DNAI7: variants seen among roughly 807,000 people sequenced by gnomAD.
The protein encoded by DNAI7 is cancer susceptibility 1.
DNAI7 carries 78 observed loss-of-function variants against 86.6 expected under a neutral mutation model. The observed-to-expected ratio is 0.90, with a 90% CI of 0.75 to 1.09. DNAI7 has a LOEUF of 1.09. DNAI7 is among the 50% of genes least tolerant of loss of function. DNAI7 has a pLI of 0.00. For synonymous variants in DNAI7, 274 were observed against 273.0 expected (o/e 1.00, Z -0.04); for missense variants, 753 against 810.2 (o/e 0.93, Z 0.86).
chr12:25,111,964 C>G (rs772053638), intron 13 of DNAI7, 25 bp from the exon 14 acceptor site: 7 of 1,496,426 alleles, frequency 4.7e-6, no homozygotes, highest in Non-Finnish European at 6.3e-6. Context: ...AAAAAAGAAG[C>G]TTTTATGTAA....
chr12:25,186,996 C>T (rs994692068), intron 2 of DNAI7, among the ~76,000 whole-genome samples: 4 of 152,064 alleles, frequency 2.6e-5, no homozygotes, highest in Admixed American at 1.3e-4. Flanking sequence ...CTTGTGTCCC[C>T]CTACAGTGAA....
In DNAI7 at chr12:25,123,191, TA is replaced by T; in HGVS notation, c.1078+19del. ...GAAAATCTCAATAAAGTTAAATTCT[TA>T]AAATGTAATTTAGAATACCTGCTGA... On this transcript the variant is annotated intron_variant, in intron 10 of 15. Transcript: ENST00000395987. 1 of 1,487,172 alleles carries T rather than the reference TA, an allele frequency of 6.7e-7. No homozygotes were observed. The highest frequency in any genetic ancestry group is 9.2e-7 in the Non-Finnish European group (1 of 1,083,244). 92.1% of individuals were successfully genotyped at this position (1,487,172 alleles called of 1,614,324 possible).
chr12:25,135,854 G>A (rs530119340), intron 9 of DNAI7, among the ~76,000 whole-genome samples: 5 of 149,308 alleles, frequency 3.3e-5, no homozygotes, highest in South Asian at 4.3e-4. Context: ...AGCAACCCCC[G>A]CCCAAGGAGA....
chr12:25,175,134 TA>T (rs1211648305), intron 2 of DNAI7, among the ~76,000 whole-genome samples: 1 of 151,920 alleles, frequency 6.6e-6, no homozygotes, highest in East Asian at 1.9e-4. Flanking sequence ...AAAAATAAAT[TA>T]AAAAAATAGA....
intron 9 of DNAI7, among the ~76,000 whole-genome samples, chr12:25,142,299 G>C (rs1386785310): frequency 6.6e-6 from 1 of 152,108 alleles, no homozygotes; most frequent in Non-Finnish European, 1.5e-5. Context: ...TAAGCTATGA[G>C]GATGCAAATG....
Position 25,147,037 on chromosome 12 carries a change from G to A in DNAI7, c.653C>T (p.Thr218Ile), listed in dbSNP as rs757099515. 4.4e-6 allele frequency: 7 copies of A among 1,604,766 alleles called. No homozygotes were observed. The Admixed American group carries it at 1.2e-4, about 27-fold the overall frequency. Residue 218 changes from threonine (T) to isoleucine (I), a missense_variant, in exon 8 of 16, where the codon ACT becomes ATT. Thr to Ile is a moderately conservative substitution (Grantham distance 89, BLOSUM62 -1). Coordinates refer to ENST00000395987, the MANE Select transcript of DNAI7 (RefSeq NM_018272.5). ...CTTGAGGTTTGCCCACACATACAGA[G>A]TAACATTTTCATCTTTAATGACTTT... ...MEKVIKDENV[T>I]LYVWANLKKN...
chr12:25,191,176 G>A (rs182687133), intron 1 of DNAI7, among the ~76,000 whole-genome samples: 3 of 152,280 alleles, frequency 2.0e-5, no homozygotes, highest in African/African-American at 4.8e-5. Flanking sequence ...ATTCGCGGAG[G>A]CCAAGGCGGG....
intron 2 of DNAI7, among the ~76,000 whole-genome samples, chr12:25,187,229 C>T (rs184208579): frequency 6.6e-6 from 1 of 152,184 alleles, no homozygotes; most frequent in African/African-American, 2.4e-5. Flanking sequence ...TCTAACCACA[C>T]TGGCATTTCA....
chr12:25,144,222 C>T (rs1197478289), intron 9 of DNAI7, 143 bp downstream of exon 9: 2 of 660,446 alleles, frequency 3.0e-6, no homozygotes, highest in Non-Finnish European at 5.3e-6. Context: ...GAAAAAGATA[C>T]ATATTAAAAA....
intron 2 of DNAI7, among the ~76,000 whole-genome samples, chr12:25,171,925 T>C (rs1161001806): frequency 6.6e-6 from 1 of 152,104 alleles, no homozygotes; most frequent in Non-Finnish European, 1.5e-5. Context: ...CCTTTATGAT[T>C]AAAACTCTCA....
intron 3 of DNAI7, among the ~76,000 whole-genome samples, chr12:25,159,217 C>G (rs1484678479): frequency 6.6e-6 from 1 of 152,186 alleles, no homozygotes; most frequent in Non-Finnish European, 1.5e-5. Context: ...TTTAGATGTG[C>G]TTCCTCTCTG....
intron 2 of DNAI7, among the ~76,000 whole-genome samples, chr12:25,171,401 C>G (rs574283800): frequency 3.3e-5 from 5 of 152,170 alleles, no homozygotes; most frequent in Non-Finnish European, 7.4e-5. Context: ...TGGAAAAATA[C>G]AACCCTCCTA....
intron 8 of DNAI7, among the ~76,000 whole-genome samples, chr12:25,146,229 AAAAAG>A (rs949667337): frequency 5.3e-5 from 8 of 150,966 alleles, no homozygotes; most frequent in African/African-American, 1.9e-4. Flanking sequence ...TCTCAAAAAA[AAAAAG>A]AAAAGAAAAC....
intron 11 of DNAI7, among the ~76,000 whole-genome samples, chr12:25,120,290 T>G (rs1337673203): frequency 7.5e-4 from 65 of 87,110 alleles, no homozygotes; most frequent in African/African-American, 1.1e-3. Context: ...GGAGAGAGGG[T>G]GAGAAGAGAG....
At chr12:25,142,962 T>A (rs1298947198) in intron 9 of DNAI7, among the ~76,000 whole-genome samples, 1 of 152,204 alleles carries the variant, frequency 6.6e-6, no homozygotes, top group Non-Finnish European at 1.5e-5. Flanking sequence ...GGAAATACTA[T>A]TGTCTCTAGT....
At chr12:25,131,899 C>G (rs11047850) in intron 9 of DNAI7, among the ~76,000 whole-genome samples, 32,970 of 151,974 alleles carry the variant, frequency 0.22, 4,673 homozygotes, top group East Asian at 0.34. Flanking sequence ...TTCTTGCCCT[C>G]AAGATCATAA....
chr12:25,117,534 T>C (rs1940362191), intron 12 of DNAI7, among the ~76,000 whole-genome samples: 1 of 152,102 alleles, frequency 6.6e-6, no homozygotes, highest in Non-Finnish European at 1.5e-5. Flanking sequence ...TGTACTCCTC[T>C]CATCTAGGAT....
chr12:25,177,297 T>C (rs1377893218), intron 2 of DNAI7, among the ~76,000 whole-genome samples: 1 of 152,110 alleles, frequency 6.6e-6, no homozygotes, highest in East Asian at 1.9e-4. Flanking sequence ...TTTTTCAGCA[T>C]CCCAAACTGA....
intron 13 of DNAI7, among the ~76,000 whole-genome samples, chr12:25,113,388 G>A (rs900175107): frequency 1.5e-4 from 23 of 152,032 alleles, no homozygotes; most frequent in Non-Finnish European, 1.0e-4. Context: ...TGCAACCTCC[G>A]CCTCCCGGGT....
Sources: gnomAD v4.1 joint callset for allele counts (sites outside exome capture counted in the v4.1 genomes callset) on GRCh38, gnomAD v4.1.1 for gene constraint, MANE v1.5 for transcripts, NCBI Gene and HGNC (gene_info 2026-07-23, HGNC 2026-07-21) for gene names.